The following PRRC2B variants were observed in gnomAD, a reference collection of about 807,000 sequenced individuals.
PRRC2B encodes the protein proline rich coiled-coil 2B.
A neutral mutation model predicts 242.3 loss-of-function variants in PRRC2B; 68 were observed. The observed-to-expected ratio is 0.28, with a 90% CI of 0.23 to 0.34. The LOEUF is 0.34. Ranked by LOEUF, PRRC2B falls within the 10% of genes least tolerant of loss-of-function variation. The pLI, the probability that PRRC2B is intolerant of heterozygous loss-of-function variation, is 1.00. For synonymous variants in PRRC2B, 1,228 were observed against 1,173.6 expected, an observed-to-expected ratio of 1.05 and a Z score of -0.95; for missense variants, 2,835 against 2,954.8, an observed-to-expected ratio of 0.96 and a Z score of 0.94.
Position 131,482,331 on chromosome 9 carries a change from T to C in PRRC2B, c.4984-40T>C. On this transcript the variant is annotated intron_variant, in intron 20 of 31. Transcript: ENST00000683519. The surrounding 1 kb of genome is among the most constrained non-coding windows in gnomAD (Gnocchi z 5.2). ...AGTTTTACTCTCTGGATAATCGAGTTGGGAGTTTGAGGCTATAACCCATTT... is the reference window on the plus strand; with the variant it reads ...AGTTTTACTCTCTGGATAATCGAGTCGGGAGTTTGAGGCTATAACCCATTT... The C allele has an allele frequency of 6.6e-7, 1 of 1,520,264 alleles. No homozygotes were observed. Among genetic ancestry groups the C allele is most frequent in the Non-Finnish European group, 8.9e-7 (1 of 1,129,548 alleles). The allele number at this position is 1,520,264 out of a possible 1,614,324, so 94.2% of individuals were successfully genotyped here.
At position 131,474,896 on chromosome 9, in the gene PRRC2B, C is replaced by T. The variant is rs760125443; in HGVS notation, c.2767C>T (p.Arg923Trp). Residue 923 changes from arginine (R) to tryptophan (W), a missense_variant, in exon 16 of 32, where the codon CGG (arginine) becomes TGG (tryptophan). Coordinates refer to ENST00000683519, the MANE Select transcript of PRRC2B (RefSeq NM_013318.4). ...GGAGCCTGAATGGACTCCCGAGCCC[C>T]GGAGCTCCAGCAGCCAGCACCCGGA... ...SSEPEWTPEPRSSSSQHPEQT... is the reference protein window; with the variant it reads ...SSEPEWTPEPWSSSSQHPEQT... The T allele has an allele frequency of 1.6e-5, 25 of 1,594,812 alleles. No individual in the cohort carries two copies. Among genetic ancestry groups the T allele is most frequent in the Admixed American group, 1.4e-4 (8 of 56,800 alleles).
Position 131,476,122 on chromosome 9 carries a change from G to C in PRRC2B, c.3993G>C (p.Glu1331Asp), listed in dbSNP as rs371853896. Residue 1331 changes from glutamate (E) to aspartate (D), a missense_variant, in exon 16 of 32, where the codon GAG becomes GAC. By Grantham distance (45) the Glu-to-Asp change is conservative. This residue lies in a region of PRRC2B where 1,536 missense variants were observed against 1,483.1 expected (regional missense o/e 1.04). Transcript: ENST00000683519. ...TGGGCCTGTGGGGACCCGAGGAGGA[G>C]CCCCACCTGCTGGCAGGTCAGTGGC... ...ESLGLWGPEE[E>D]PHLLAGQWPG... 608 of 1,610,112 alleles carry C rather than the reference G, an allele frequency of 3.8e-4. No individual in the cohort carries two copies. Among genetic ancestry groups the C allele is most frequent in the Non-Finnish European group, 4.9e-4 (573 of 1,177,600 alleles).
intron 6 of PRRC2B, among the ~76,000 whole-genome samples, chr9:131,444,609 A>G (rs1004579886): frequency 2.0e-5 from 3 of 152,004 alleles, no homozygotes; most frequent in Admixed American, 6.6e-5. Flanking sequence ...TGTGGCAAGG[A>G]TGGACAAAGG....
intron 5 of PRRC2B, among the ~76,000 whole-genome samples, chr9:131,442,466 C>T (rs1341116944): frequency 6.6e-6 from 1 of 152,060 alleles, no homozygotes; most frequent in African/African-American, 2.4e-5. Context: ...CTTCATGACA[C>T]TTAGAGTCCA....
chr9:131,414,348 C>T (rs953052574), intron 1 of PRRC2B, among the ~76,000 whole-genome samples: 4 of 146,274 alleles, frequency 2.7e-5, no homozygotes, highest in South Asian at 2.3e-4. Flanking sequence ...TTGGAAAAAT[C>T]GGACACAGAA....
chr9:131,388,997 C>G (rs1428210486), intron 1 of PRRC2B, among the ~76,000 whole-genome samples: 1 of 147,972 alleles, frequency 6.8e-6, no homozygotes, highest in African/African-American at 2.5e-5. Context: ...CATGCCGCCA[C>G]TCCTGGCAAA....
chr9:131,388,777 C>T (rs1464822021), intron 1 of PRRC2B, among the ~76,000 whole-genome samples: 1 of 149,068 alleles, frequency 6.7e-6, no homozygotes, highest in Non-Finnish European at 1.5e-5. Flanking sequence ...CTCTTGACCT[C>T]GTGATCCGCC....
Position 131,464,781 on chromosome 9 carries a change from A to G in PRRC2B, c.1423A>G (p.Met475Val), listed in dbSNP as rs1943344115. The change falls in exon 12 of 32, where the codon ATG (methionine) becomes GTG (valine). Residue 475 changes from methionine (M) to valine (V), a missense_variant. By Grantham distance (21) the Met-to-Val change is conservative. Transcript: ENST00000683519. Reference sequence around the variant, plus strand: ...TTGGCAGAAGTCATCAATGGGCAGCATGTTCCGGCAACAGTCCATCGAGGA... The same window carrying G: ...TTGGCAGAAGTCATCAATGGGCAGCGTGTTCCGGCAACAGTCCATCGAGGA... ...PDYQKSSMGS[M>V]FRQQSIEDKE... 4 of 1,599,086 alleles carry G rather than the reference A, an allele frequency of 2.5e-6. No homozygotes were observed. In the East Asian group the frequency reaches 6.7e-5, roughly 27 times the overall value.
At chr9:131,484,844 G>A in intron 24 of PRRC2B, 54 bp downstream of exon 24, 1 of 1,565,430 alleles carries the variant, frequency 6.4e-7, no homozygotes, top group Non-Finnish European at 8.7e-7. Flanking sequence ...AGCTTACAAA[G>A]AGGCAGAAGG....
At chr9:131,483,534 A>G in intron 23 of PRRC2B, 89 bp downstream of exon 23, 1 of 1,185,828 alleles carries the variant, frequency 8.4e-7, no homozygotes, top group Non-Finnish European at 1.3e-6. Context: ...TTTCAGGCTG[A>G]CCTGGGCTGG....
At chr9:131,463,322 T>G (rs1308348452) in intron 11 of PRRC2B, among the ~76,000 whole-genome samples, 2 of 152,244 alleles carry the variant, frequency 1.3e-5, no homozygotes, top group Non-Finnish European at 2.9e-5. Flanking sequence ...TATATTTCTT[T>G]TACTGAAGTA....
At chr9:131,376,150 A>C (rs1199743393) in intron 1 of PRRC2B, among the ~76,000 whole-genome samples, 1 of 151,738 alleles carries the variant, frequency 6.6e-6, no homozygotes, top group East Asian at 1.9e-4. Flanking sequence ...TCAGGCGTTC[A>C]AGACCAGCCT....
chr9:131,385,122 C>CT, intron 1 of PRRC2B, among the ~76,000 whole-genome samples: 1 of 151,918 alleles, frequency 6.6e-6, no homozygotes, highest in South Asian at 2.1e-4. Context: ...ATTCTCCTGC[C>CT]TCAGCCTCCC....
At chr9:131,434,482 C>G (rs1838278348) in intron 3 of PRRC2B, among the ~76,000 whole-genome samples, 1 of 152,240 alleles carries the variant, frequency 6.6e-6, no homozygotes, top group Non-Finnish European at 1.5e-5. Context: ...CATCCTCCCA[C>G]CAAGGTATCA....
At chr9:131,462,118 C>T (rs936391435) in intron 11 of PRRC2B, among the ~76,000 whole-genome samples, 3 of 152,120 alleles carry the variant, frequency 2.0e-5, no homozygotes, top group Non-Finnish European at 4.4e-5. Context: ...TCACTTTAAC[C>T]TACTCATAAC....
intron 1 of PRRC2B, among the ~76,000 whole-genome samples, chr9:131,406,880 T>G (rs192174116): frequency 6.6e-6 from 1 of 152,314 alleles, no homozygotes; most frequent in East Asian, 1.9e-4. Flanking sequence ...CCTTCTTCCC[T>G]GCTGTTTCTT....
chr9:131,417,639 G>A (rs778051906), intron 1 of PRRC2B, among the ~76,000 whole-genome samples: 26 of 152,242 alleles, frequency 1.7e-4, no homozygotes, highest in Non-Finnish European at 3.1e-4. Context: ...TGTCCCTGTT[G>A]TTTGGGTTCT....
chr9:131,422,566 C>G (rs1329523852), intron 1 of PRRC2B, among the ~76,000 whole-genome samples: 2 of 152,194 alleles, frequency 1.3e-5, no homozygotes, highest in African/African-American at 4.8e-5. Flanking sequence ...ATCCCAGTGC[C>G]CTGGTCAGGC....
upstream of PRRC2B, among the ~76,000 whole-genome samples, chr9:131,391,001 G>A (rs771400640): frequency 2.0e-4 from 31 of 151,632 alleles, no homozygotes; most frequent in Non-Finnish European, 4.3e-4. Flanking sequence ...TGGTCAGGCT[G>A]GTCTCGAACG....
Sources: allele counts gnomAD v4.1 joint callset (sites outside exome capture counted in the v4.1 genomes callset), GRCh38; gene constraint gnomAD v4.1.1; regional missense constraint gnomAD v4.1.1; non-coding constraint Gnocchi (gnomAD v3.1); transcripts MANE v1.5; gene names NCBI Gene and HGNC (gene_info 2026-07-23, HGNC 2026-07-21).